The following GPC5 variants were observed in gnomAD, a reference collection of about 807,000 sequenced individuals.
GPC5 encodes glypican-5.
In GPC5, 47 loss-of-function variants were observed where a neutral mutation model predicts 53.9. That is an observed-to-expected ratio of 0.87 (90% CI 0.69 to 1.11). The LOEUF (loss-of-function observed/expected upper bound fraction) is 1.11, where lower values mean the gene tolerates loss of function less well. Among genes scored for constraint, GPC5 ranks in the 50% most tolerant of loss-of-function variants. GPC5 has a pLI of 0.00. For synonymous variants in GPC5, 286 were observed against 263.3 expected (o/e 1.09, Z -0.84); for missense variants, 748 against 713.1 (o/e 1.05, Z -0.56).
intron 7 of GPC5, among the ~76,000 whole-genome samples, chr13:92,415,759 G>A (rs1310840079): frequency 2.0e-5 from 3 of 152,036 alleles, no homozygotes; most frequent in African/African-American, 4.8e-5. Context: ...TGGATGAGGA[G>A]AACCTATCTA....
At chr13:91,909,399 C>G (rs2039587996) in intron 6 of GPC5, among the ~76,000 whole-genome samples, 1 of 152,152 alleles carries the variant, frequency 6.6e-6, no homozygotes, top group African/African-American at 2.4e-5. Context: ...TACAATCTCA[C>G]TGTGAGGACA....
rs571073502 is a variant in GPC5, at chr13:92,657,199, C to G, written c.1562-209083C>G. Among the ~76,000 whole-genome samples the G allele has an allele frequency of 2.0e-5, 3 of 152,082 alleles. No individual in the cohort carries two copies. The East Asian group carries it at 5.8e-4, about 29-fold the overall frequency. ...TAAACATGATAACCTGAAGCAGTAA[C>G]TCAATTTATTATTTTAAGATATATT... On this transcript the variant is annotated intron_variant, in intron 7 of 7. Transcript: ENST00000377067.
intron 7 of GPC5, among the ~76,000 whole-genome samples, chr13:92,435,408 A>C (rs1462047837): frequency 6.6e-6 from 1 of 152,206 alleles, no homozygotes; most frequent in African/African-American, 2.4e-5. Context: ...AACGGTTTTC[A>C]AAAGGTCTGA....
At chr13:92,122,463 CTTAA>C (rs1316415165) in intron 6 of GPC5, among the ~76,000 whole-genome samples, 3 of 151,730 alleles carry the variant, frequency 2.0e-5, no homozygotes, top group Non-Finnish European at 4.4e-5. Flanking sequence ...CCTGCTGGTG[CTTAA>C]TTAGGTGCTT....
At chr13:92,277,233 C>T (rs1414067272) in intron 7 of GPC5, among the ~76,000 whole-genome samples, 1 of 151,942 alleles carries the variant, frequency 6.6e-6, no homozygotes, top group East Asian at 1.9e-4. Context: ...GAACATGTAA[C>T]ACCTTGAGCG....
At chr13:92,546,573 G>T (rs1882122621) in intron 7 of GPC5, among the ~76,000 whole-genome samples, 1 of 152,124 alleles carries the variant, frequency 6.6e-6, no homozygotes, top group African/African-American at 2.4e-5. Context: ...AATCAATATT[G>T]TGAAAATGGG....
chr13:92,462,208 T>G (rs969956235), intron 7 of GPC5, among the ~76,000 whole-genome samples: 1 of 152,136 alleles, frequency 6.6e-6, no homozygotes. Context: ...GATCACTTTG[T>G]TTGGCTGGCT....
At chr13:91,674,583 ATG>A (rs1490394074) in intron 2 of GPC5, among the ~76,000 whole-genome samples, 1 of 147,868 alleles carries the variant, frequency 6.8e-6, no homozygotes, top group East Asian at 2.0e-4. Context: ...ATATATGCGT[ATG>A]TGTATATATA....
At chr13:92,148,395 C>T (rs889350202) in intron 7 of GPC5, among the ~76,000 whole-genome samples, 2 of 151,990 alleles carry the variant, frequency 1.3e-5, no homozygotes, top group African/African-American at 2.4e-5. Flanking sequence ...GTCATTTTGT[C>T]TTCATCACCA....
chr13:91,872,245 C>T (rs954822013), intron 5 of GPC5, among the ~76,000 whole-genome samples: 3 of 152,096 alleles, frequency 2.0e-5, no homozygotes, highest in African/African-American at 4.8e-5. Context: ...TGAGATACCC[C>T]GTGACAGGCT....
chr13:91,623,260 C>T (rs773443060), intron 2 of GPC5, among the ~76,000 whole-genome samples: 31 of 152,158 alleles, frequency 2.0e-4, no homozygotes, highest in Admixed American at 3.3e-4. Flanking sequence ...GCAAAATATG[C>T]GAGTTGTGTA....
At position 92,067,968 on chromosome 13, in the gene GPC5, C is replaced by A. The variant is rs558636831; in HGVS notation, c.1402-76862C>A. ...TTTTGATTGCAACTCTAAAAATAAG[C>A]CTGTATTACTTTGTAAAGGGAAAGG... On this transcript the variant is annotated intron_variant, in intron 6 of 7. Transcript: ENST00000377067. 1.8e-4 allele frequency among the ~76,000 whole-genome samples: 27 copies of A among 151,854 alleles called. No individual in the cohort carries two copies. In the East Asian group the frequency reaches 5.2e-3, roughly 29 times the overall value.
intron 7 of GPC5, among the ~76,000 whole-genome samples, chr13:92,740,632 G>C (rs879609410): frequency 6.6e-6 from 1 of 151,984 alleles, no homozygotes; most frequent in Non-Finnish European, 1.5e-5. Flanking sequence ...ATGGCTAAAA[G>C]TACCAGGAAG....
At chr13:91,622,522 G>T (rs1220513911) in intron 2 of GPC5, among the ~76,000 whole-genome samples, 2 of 151,956 alleles carry the variant, frequency 1.3e-5, no homozygotes, top group African/African-American at 2.4e-5. Context: ...AAATATTCAC[G>T]AAGTACTATA....
intron 5 of GPC5, among the ~76,000 whole-genome samples, chr13:91,863,864 GTAGT>G (rs925710145): frequency 3.3e-5 from 5 of 152,152 alleles, no homozygotes; most frequent in Non-Finnish European, 5.9e-5. Flanking sequence ...ATCATTAGAT[GTAGT>G]TAGTTTCCAT....
intron 5 of GPC5, among the ~76,000 whole-genome samples, chr13:91,894,458 C>A (rs1169690231): frequency 6.6e-6 from 1 of 152,112 alleles, no homozygotes; most frequent in East Asian, 1.9e-4. Flanking sequence ...CCATGATGAC[C>A]ATTGATCCAA....
chr13:91,563,092 A>G (rs16946190), intron 2 of GPC5, among the ~76,000 whole-genome samples: 2 of 152,096 alleles, frequency 1.3e-5, no homozygotes, highest in African/African-American at 2.4e-5. Context: ...AATAAATTCT[A>G]TTGTCAAGTT....
chr13:92,825,119 A>G (rs953940563), intron 7 of GPC5, among the ~76,000 whole-genome samples: 1 of 152,128 alleles, frequency 6.6e-6, no homozygotes, highest in East Asian at 1.9e-4. Flanking sequence ...ATTTTTGATC[A>G]AATATACATT....
chr13:91,601,492 G>A (rs919757385), intron 2 of GPC5, among the ~76,000 whole-genome samples: 3 of 152,122 alleles, frequency 2.0e-5, no homozygotes, highest in Admixed American at 1.3e-4. Flanking sequence ...GTTAGGAACC[G>A]GGCCACATAG....
Sources: gnomAD v4.1 joint callset for allele counts (sites outside exome capture counted in the v4.1 genomes callset) on GRCh38, gnomAD v4.1.1 for gene constraint, MANE v1.5 for transcripts, NCBI Gene and HGNC (gene_info 2026-07-23, HGNC 2026-07-21) for gene names.